PTPN5: variants seen among roughly 807,000 people sequenced by gnomAD.
The protein encoded by PTPN5 is protein tyrosine phosphatase non-receptor type 5, also known as tyrosine-protein phosphatase non-receptor type 5.
A neutral mutation model predicts 73.9 loss-of-function variants in PTPN5; 29 were observed. The observed-to-expected ratio is 0.39, with a 90% CI of 0.29 to 0.54. The LOEUF (loss-of-function observed/expected upper bound fraction) is 0.54, where lower values mean the gene tolerates loss of function less well. Among genes scored for constraint, PTPN5 ranks in the 20% least tolerant of loss-of-function variants. The pLI, the probability that PTPN5 is intolerant of heterozygous loss-of-function variation, is 0.65. For synonymous variants in PTPN5, 267 were observed against 304.7 expected (o/e 0.88, Z 1.29); for missense variants, 652 against 751.4 (o/e 0.87, Z 1.55).
chr11:18,754,039 G>A (rs1162061853), intron 3 of PTPN5, among the ~76,000 whole-genome samples: 3 of 152,116 alleles, frequency 2.0e-5, no homozygotes, highest in Non-Finnish European at 2.9e-5. Flanking sequence ...CACAGCAGTG[G>A]GACATAAAAG....
Position 18,729,677 on chromosome 11 carries a change from G to A in PTPN5, c.1471C>T (p.Pro491Ser). The change falls in exon 13 of 15, where the codon CCC (proline) becomes TCC (serine). Residue 491 changes from proline (P) to serine (S), a missense_variant. Physicochemically the swap from Pro to Ser is moderately conservative, Grantham distance 74. Coordinates refer to ENST00000358540, the MANE Select transcript of PTPN5 (RefSeq NM_006906.2). This position sits in a 1 kb window ranked among gnomAD's most constrained non-coding sequence, Gnocchi z 5.2. ...AAQQEGPHCA[P>S]IIVHCSAGIG... ...ACCCACCTGCAGTGGACGATGATGG[G>A]GGCACAGTGGGGCCCCTCCTGCTGG... 6.4e-7 allele frequency: 1 copy of A among 1,574,108 alleles called. No homozygotes were observed. The highest frequency in any genetic ancestry group is 2.3e-5 in the East Asian group (1 of 44,274).
chr11:18,737,335 G>C (rs1305427170), intron 9 of PTPN5, among the ~76,000 whole-genome samples: 1 of 152,164 alleles, frequency 6.6e-6, no homozygotes, highest in East Asian at 1.9e-4. Flanking sequence ...ACTGAGTAAT[G>C]GGGAGCTCAC....
Position 18,743,422 on chromosome 11 carries a change from C to G in PTPN5, c.299G>C (p.Cys100Ser). The G allele has an allele frequency of 6.2e-7, 1 of 1,614,118 alleles. No individual in the cohort carries two copies. The highest frequency in any genetic ancestry group is 1.1e-5 in the South Asian group (1 of 91,080). The part of the protein sequence containing the change: ...LFAASQFLLA[C>S]GVLWFSGYGH... ...ATAACCGCTGAACCAGAGCACCCCA[C>G]AGGCAAGCTGGGGCACAGGGGAGCA... The change falls in exon 5 of 15, where the codon TGT becomes TCT. Residue 100 changes from cysteine (C) to serine (S), a missense_variant. Cys to Ser is a moderately radical substitution (Grantham distance 112, BLOSUM62 -1). Coordinates refer to ENST00000358540, the MANE Select transcript of PTPN5 (RefSeq NM_006906.2).
intron 3 of PTPN5, among the ~76,000 whole-genome samples, chr11:18,754,896 C>G (rs527816955): frequency 7.1e-6 from 1 of 140,242 alleles, no homozygotes; most frequent in African/African-American, 2.4e-5. Flanking sequence ...ATATGGCAGA[C>G]AGCCTCCAAG....
intron 2 of PTPN5, among the ~76,000 whole-genome samples, chr11:18,771,024 G>A (rs1280485068): frequency 1.3e-5 from 2 of 152,194 alleles, no homozygotes; most frequent in African/African-American, 4.8e-5. Context: ...TGCAGAGAAA[G>A]AGCTGGCTGG....
At chr11:18,751,548 A>G (rs930814413) in intron 3 of PTPN5, among the ~76,000 whole-genome samples, 3 of 152,082 alleles carry the variant, frequency 2.0e-5, no homozygotes, top group Non-Finnish European at 4.4e-5. Flanking sequence ...CGACCAAGAG[A>G]TCCACGCAAG....
At chr11:18,792,364 T>C (rs1851966865), upstream of PTPN5, 2 of 152,334 alleles carry the variant, frequency 1.3e-5, no homozygotes, top group South Asian at 4.1e-4. Context: ...TGCCGAGGAC[T>C]CGTTCTAGGA....
At chr11:18,754,845 G>A (rs777695865) in intron 3 of PTPN5, among the ~76,000 whole-genome samples, 1 of 152,192 alleles carries the variant, frequency 6.6e-6, no homozygotes, top group African/African-American at 2.4e-5. Context: ...CATATCCTGA[G>A]ACTATGCCTC....
chr11:18,756,368 C>G (rs1449584428), intron 3 of PTPN5, among the ~76,000 whole-genome samples: 1 of 147,394 alleles, frequency 6.8e-6, no homozygotes, highest in Non-Finnish European at 1.5e-5. Flanking sequence ...ATGATCTCTG[C>G]TCACTGTAAC....
At chr11:18,783,241 C>T (rs559134812) in intron 1 of PTPN5, among the ~76,000 whole-genome samples, 4 of 152,316 alleles carry the variant, frequency 2.6e-5, no homozygotes, top group Admixed American at 6.5e-5. Flanking sequence ...TCATGATAAG[C>T]AGCAAGGATG....
chr11:18,769,314 T>G (rs1174220607), intron 2 of PTPN5, among the ~76,000 whole-genome samples: 1 of 152,100 alleles, frequency 6.6e-6, no homozygotes, highest in African/African-American at 2.4e-5. Context: ...GTGACCATCC[T>G]GGGGAAGGCT....
rs200911478 is a variant in PTPN5 at position 18,729,062 on chromosome 11, G to A, written c.1605-35C>T. The A allele has an allele frequency of 4.7e-5, 76 of 1,604,354 alleles. No homozygotes were observed. The highest frequency in any genetic ancestry group is 1.7e-4 in the South Asian group (15 of 90,376). On this transcript the variant is annotated intron_variant, in intron 14 of 14. Transcript: ENST00000358540. The surrounding 1 kb of genome is among the most constrained non-coding windows in gnomAD (Gnocchi z 5.2). ...AGAGATGCACAGTGGGGGCAGGGTC[G>A]TGGAGGGATGGGCTGTGGGAGGTGC...
rs184972320 is a variant in PTPN5 at position 18,734,123 on chromosome 11, T to C, written c.1001-488A>G. Among the ~76,000 whole-genome samples, 9 of 152,308 alleles carry C rather than the reference T, an allele frequency of 5.9e-5. No individual in the cohort carries two copies. In the South Asian group the frequency reaches 6.2e-4, roughly 11 times the overall value. Reference sequence around the variant, plus strand: ...CTACTTGCTTGGGCTGTTGGGAAGATGAATGAGAAAAGAGATGTGAAAGTT... The same window carrying C: ...CTACTTGCTTGGGCTGTTGGGAAGACGAATGAGAAAAGAGATGTGAAAGTT... On this transcript the variant is annotated intron_variant, in intron 9 of 14. Transcript: ENST00000358540.
rs995148670 is a variant in PTPN5, at chr11:18,757,919, T to G, written c.97+7888A>C. The stretch of plus-strand genomic sequence containing the variant: ...TATACAGCCTTACAAATGTTAGGGG[T>G]GGGACTGCACACAGCTGTGCTCTTT... On this transcript the variant is annotated intron_variant, in intron 3 of 14. Coordinates refer to ENST00000358540, the MANE Select transcript of PTPN5 (RefSeq NM_006906.2). Among the ~76,000 whole-genome samples, 5 of 152,048 alleles carry G rather than the reference T, an allele frequency of 3.3e-5. No individual in the cohort carries two copies. The South Asian group carries it at 8.3e-4, about 25-fold the overall frequency.
intron 2 of PTPN5, among the ~76,000 whole-genome samples, chr11:18,769,064 TC>T (rs1850761274): frequency 6.6e-6 from 1 of 152,130 alleles, no homozygotes; most frequent in Non-Finnish European, 1.5e-5. Context: ...GACTTGGAAA[TC>T]ACCCAGCCTG....
At chr11:18,766,454 C>T (rs1850649327) in intron 2 of PTPN5, among the ~76,000 whole-genome samples, 3 of 152,220 alleles carry the variant, frequency 2.0e-5, no homozygotes, top group African/African-American at 4.8e-5. Context: ...TGCAAGTCCC[C>T]TCTGCCCCAG....
In PTPN5 at chr11:18,729,978, C is replaced by T. The variant is rs754913965; in HGVS notation, c.1330-160G>A. The T allele has an allele frequency of 2.1e-5, 20 of 945,128 alleles. No individual in the cohort carries two copies. The highest frequency in any genetic ancestry group is 1.3e-5 in the Non-Finnish European group (8 of 615,898). The allele number at this position is 945,128 out of a possible 1,614,324, so 58.5% of individuals were successfully genotyped here. On this transcript the variant is annotated intron_variant, in intron 12 of 14. Coordinates refer to ENST00000358540, the MANE Select transcript of PTPN5 (RefSeq NM_006906.2). The surrounding 1 kb of genome is among the most constrained non-coding windows in gnomAD (Gnocchi z 5.2). ...ATCTAGGCCACATTGCCCAGTGGCACCAGACACAGACCCAAAGCCAGCTTG... is the reference window on the plus strand; with the variant it reads ...ATCTAGGCCACATTGCCCAGTGGCATCAGACACAGACCCAAAGCCAGCTTG...
intron 3 of PTPN5, among the ~76,000 whole-genome samples, chr11:18,747,233 TTCCACC>T (rs1849683894): frequency 6.6e-6 from 1 of 151,724 alleles, no homozygotes; most frequent in South Asian, 2.1e-4. Flanking sequence ...TAACTGCAAC[TTCCACC>T]TCCTGGGTTC....
chr11:18,789,065 G>A (rs1212095089), intron 1 of PTPN5, among the ~76,000 whole-genome samples: 3 of 152,204 alleles, frequency 2.0e-5, no homozygotes, highest in Non-Finnish European at 4.4e-5. Context: ...AGGTCAGGGG[G>A]AAAGGAATTT....
Sources: gnomAD v4.1 joint callset for allele counts (sites outside exome capture counted in the v4.1 genomes callset) on GRCh38, gnomAD v4.1.1 for gene constraint, Gnocchi (gnomAD v3.1) non-coding constraint, MANE v1.5 for transcripts, NCBI Gene and HGNC (gene_info 2026-07-23, HGNC 2026-07-21) for gene names.